Variants in ARHGEF40 observed in about 807,000 individuals in gnomAD.
The protein encoded by ARHGEF40 is Rho guanine nucleotide exchange factor 40.
ARHGEF40 carries 98 observed loss-of-function variants against 165.9 expected under a neutral mutation model. That is an observed-to-expected ratio of 0.59 (90% CI 0.50 to 0.70). ARHGEF40 has a LOEUF of 0.70. Among genes scored for constraint, ARHGEF40 ranks in the 30% least tolerant of loss-of-function variants. The pLI, the probability that ARHGEF40 is intolerant of heterozygous loss-of-function variation, is 0.00. For missense variants in ARHGEF40, 1,815 were observed against 1,968.0 expected (o/e 0.92, Z 1.47); for synonymous variants, 792 against 814.3 (o/e 0.97, Z 0.47).
chr14:21,078,299 G>C, intron 9 of ARHGEF40, 27 bp downstream of exon 9: 1 of 1,610,466 alleles, frequency 6.2e-7, no homozygotes, highest in Non-Finnish European at 8.5e-7. Flanking sequence ...GACAGTGGGG[G>C]GATGGGATTG....
Position 21,088,874 on chromosome 14 carries a change from T to C in ARHGEF40, c.*3T>C, listed in dbSNP as rs1179926544. On this transcript the variant is annotated splice_region_variant and 3_prime_UTR_variant, in exon 23 of 24. Coordinates refer to ENST00000298694, the MANE Select transcript of ARHGEF40 (RefSeq NM_018071.5). ...GTGACCCCACCACGCCTCTGTGACC[T>C]GGGTGAGTCAGCATCCCCAATTTCT... is the stretch of plus-strand genomic sequence containing the variant. 6.2e-7 allele frequency: 1 copy of C among 1,612,354 alleles called. No individual in the cohort carries two copies. Among genetic ancestry groups the C allele is most frequent in the Admixed American group, 1.7e-5 (1 of 59,898 alleles).
At chr14:21,078,792 C>T in intron 10 of ARHGEF40, 92 bp from the exon 11 acceptor site, 4 of 1,517,498 alleles carry the variant, frequency 2.6e-6, no homozygotes, top group Non-Finnish European at 3.6e-6. Context: ...TGCTATGCAA[C>T]CTCTCATGTT....
At position 21,089,721 on chromosome 14, in the gene ARHGEF40, C is replaced by G. The variant is rs545335245; in HGVS notation, c.*713C>G. 6.6e-6 allele frequency: 1 copy of G among 152,470 alleles called. No homozygotes were observed. The highest frequency in any genetic ancestry group is 2.1e-4 in the South Asian group (1 of 4,846). The allele number at this position is 152,470 out of a possible 1,614,324, so 9.4% of individuals were successfully genotyped here. ...TGTGTATGAGCCTGGGAGAATGTGTCTCCTCCACAGTGGCTCCCAGAGGTT... is the reference window on the plus strand; with the variant it reads ...TGTGTATGAGCCTGGGAGAATGTGTGTCCTCCACAGTGGCTCCCAGAGGTT... On this transcript the variant is annotated 3_prime_UTR_variant, in exon 24 of 24. Coordinates refer to ENST00000298694, the MANE Select transcript of ARHGEF40 (RefSeq NM_018071.5).
chr14:21,071,432 C>G (rs1185030074), intron 1 of ARHGEF40, among the ~76,000 whole-genome samples: 9 of 152,116 alleles, frequency 5.9e-5, no homozygotes, highest in Admixed American at 5.9e-4. Flanking sequence ...GGCAGGGGCA[C>G]TACTGGGGCC....
In ARHGEF40 at chr14:21,072,130, G is replaced by T. The variant is rs1177166968; in HGVS notation, c.4-915G>T. On this transcript the variant is annotated intron_variant, in intron 1 of 23. Coordinates refer to ENST00000298694, the MANE Select transcript of ARHGEF40 (RefSeq NM_018071.5). The surrounding 1 kb of genome is among the most constrained non-coding windows in gnomAD (Gnocchi z 4.1). ...TGAAAAAGAAGTTTGCAAAGGAATA[G>T]CCCAAGGGGTGGTTGTTTAGGTTAG... 2.0e-5 allele frequency among the ~76,000 whole-genome samples: 3 copies of T among 152,200 alleles called. No individual in the cohort carries two copies. Among genetic ancestry groups the T allele is most frequent in the Non-Finnish European group, 2.9e-5 (2 of 68,042 alleles).
At chr14:21,080,196 CCGGACACA>C (rs1887763831) in intron 11 of ARHGEF40, among the ~76,000 whole-genome samples, 1 of 116,082 alleles carries the variant, frequency 8.6e-6, no homozygotes, top group South Asian at 2.8e-4. Flanking sequence ...GAAATTAAAG[CCGGACACA>C]CACACACACA....
At chr14:21,062,094 A>G in the ARHGEF40 span, among the ~76,000 whole-genome samples, 346 of 152,378 alleles carry the variant, frequency 2.3e-3, no homozygotes, top group Non-Finnish European at 4.0e-3. Context: ...TAAGTTAAAC[A>G]TAAAAGCTTA....
chr14:21,077,327 C>A (rs1408495676), intron 8 of ARHGEF40, among the ~76,000 whole-genome samples: 2 of 105,882 alleles, frequency 1.9e-5, no homozygotes, highest in East Asian at 5.3e-4. Flanking sequence ...CCATGTTGCC[C>A]AGGCTGGTCT....
intron 1 of ARHGEF40, among the ~76,000 whole-genome samples, chr14:21,071,376 G>A (rs1318144894): frequency 6.6e-6 from 1 of 152,182 alleles, no homozygotes; most frequent in African/African-American, 2.4e-5. Context: ...GTGGAGGAGG[G>A]GGAGAGGCCT....
rs770213867 is a variant in ARHGEF40 at position 21,076,582 on chromosome 14, T to G, written c.1856T>G (p.Leu619Arg). 2 of 1,614,246 alleles carry G rather than the reference T, an allele frequency of 1.2e-6. No homozygotes were observed. The highest frequency in any genetic ancestry group is 1.1e-5 in the South Asian group (1 of 91,088). ...CCTTAGGACTCAGGAGATCCTCCCC[T>G]TGTTCAGCGGCTGCTGATTCTCATT... ...SQLQDSGDPPLVQRLLILIHD... is the reference protein window; with the variant it reads ...SQLQDSGDPPRVQRLLILIHD... The change falls in exon 7 of 24, where the codon CTT becomes CGT. Residue 619 changes from leucine to arginine, a missense_variant. Transcript: ENST00000298694.
In ARHGEF40 at chr14:21,081,699, G is replaced by A. The variant is rs766293818; in HGVS notation, c.2831G>A (p.Arg944His). The A allele has an allele frequency of 5.1e-5, 81 of 1,579,718 alleles. 1 individual carries two copies. The highest frequency in any genetic ancestry group is 5.8e-5 in the Non-Finnish European group (68 of 1,163,236). ...ALREWGRCQA[R>H]CQELERRIQQ... ...CGAGAATGGGGCCGCTGCCAGGCCC[G>A]CTGCCAAGAGCTAGAGAGGAGGATC... The change falls in exon 14 of 24, where the codon CGC becomes CAC. Residue 944 changes from arginine to histidine, a missense_variant. Arg to His is a conservative substitution (Grantham distance 29). Transcript: ENST00000298694.
Position 21,076,386 on chromosome 14 carries a change from C to T in ARHGEF40, c.1766C>T (p.Ser589Phe). 6.2e-7 allele frequency: 1 copy of T among 1,613,542 alleles called. No homozygotes were observed. Among genetic ancestry groups the T allele is most frequent in the Non-Finnish European group, 8.5e-7 (1 of 1,180,044 alleles). Residue 589 changes from serine (S) to phenylalanine (F), a missense_variant, in exon 6 of 24, where the codon TCC becomes TTC. Coordinates refer to ENST00000298694, the MANE Select transcript of ARHGEF40 (RefSeq NM_018071.5). ...LRPDLQTLGL[S>F]VLLDLRQAPP... Reference sequence around the variant, plus strand: ...CCTGATCTACAGACACTGGGGCTGTCCGTCCTGCTGGACCTTCGTCAGGCA... The same window carrying T: ...CCTGATCTACAGACACTGGGGCTGTTCGTCCTGCTGGACCTTCGTCAGGCA...
chr14:21,084,967 CTCT>C (rs758722854), intron 18 of ARHGEF40, 44 bp downstream of exon 18: 23 of 1,595,232 alleles, frequency 1.4e-5, no homozygotes, highest in Non-Finnish European at 1.9e-5. Context: ...GGAAGTCATT[CTCT>C]TCTTGAGAAC....
Position 21,073,087 on chromosome 14 carries a change from G to T in ARHGEF40, c.46G>T (p.Ala16Ser). ...VEDCVQSTLA[A>S]LYPPFEATAP... ...GGACTGTGTGCAGAGCACTCTCGCC[G>T]CCCTGTATCCACCCTTTGAGGCAAC... The change falls in exon 2 of 24, where the codon GCC becomes TCC. Residue 16 changes from alanine (A) to serine (S), a missense_variant. Physicochemically the swap from Ala to Ser is moderately conservative, Grantham distance 99 (BLOSUM62 1). Transcript: ENST00000298694. The surrounding 1 kb of genome is among the most constrained non-coding windows in gnomAD (Gnocchi z 4.6). The T allele has an allele frequency of 6.2e-7, 1 of 1,614,126 alleles. No individual in the cohort carries two copies. Among genetic ancestry groups the T allele is most frequent in the Non-Finnish European group, 8.5e-7 (1 of 1,180,012 alleles).
At position 21,078,891 on chromosome 14, in the gene ARHGEF40, G is replaced by A. The variant is rs1887649879; in HGVS notation, c.2254G>A (p.Gly752Ser). The A allele has an allele frequency of 1.2e-6, 2 of 1,612,624 alleles. No homozygotes were observed. Among genetic ancestry groups the A allele is most frequent in the African/African-American group, 1.3e-5 (1 of 74,914 alleles). The change falls in exon 11 of 24, where the codon GGC (glycine) becomes AGC (serine). Residue 752 changes from glycine to serine, a missense_variant. Coordinates refer to ENST00000298694, the MANE Select transcript of ARHGEF40 (RefSeq NM_018071.5). ...TCTCTGCTCCTTCCCAAGGCTGGAG[G>A]GCCAAGGCCCAGCTACACTGTATCA... ...LRSTPSSKLE[G>S]QGPATLYQEV...
chr14:21,078,334 C>G (rs756657668), intron 9 of ARHGEF40, 39 bp from the exon 10 acceptor site: 10 of 1,596,868 alleles, frequency 6.3e-6, no homozygotes, highest in African/African-American at 5.4e-5. Flanking sequence ...TGGAGACTCT[C>G]TGGTGGAACC....
rs781036471 is a variant in ARHGEF40, at chr14:21,075,688, A to C, written c.1662A>C (p.Pro554=). Residue 554 remains proline (P), a synonymous_variant, in exon 5 of 24, where the codon CCA becomes CCC. Coordinates refer to ENST00000298694, the MANE Select transcript of ARHGEF40 (RefSeq NM_018071.5). This position sits in a 1 kb window ranked among gnomAD's most constrained non-coding sequence, Gnocchi z 4.5. ...QSGRALLTIT[P]PCPPEEPPPS... Reference sequence around the variant, plus strand: ...GGCGAGCTCTGCTGACCATTACCCCACCGTGCCCTCCTGAGGAGCCCCCAC... The same window carrying C: ...GGCGAGCTCTGCTGACCATTACCCCCCCGTGCCCTCCTGAGGAGCCCCCAC... 1.2e-6 allele frequency: 2 copies of C among 1,613,780 alleles called. No homozygotes were observed. The highest frequency in any genetic ancestry group is 1.7e-6 in the Non-Finnish European group (2 of 1,179,966).
At position 21,073,012 on chromosome 14, in the gene ARHGEF40, C is replaced by G. The variant is rs1566520792; in HGVS notation, c.4-33C>G. The G allele has an allele frequency of 6.2e-7, 1 of 1,601,438 alleles. No homozygotes were observed. Among genetic ancestry groups the G allele is most frequent in the Non-Finnish European group, 8.5e-7 (1 of 1,170,368 alleles). ...CCAAGGAGCCATGATTGGGTGATCT[C>G]TAGGGATCTGTAGCCTGGTCCTATC... On this transcript the variant is annotated intron_variant, in intron 1 of 23. Transcript: ENST00000298694. The surrounding 1 kb of genome is among the most constrained non-coding windows in gnomAD (Gnocchi z 4.6).
chr14:21,082,388 G>C lies in ARHGEF40; in HGVS notation c.3396G>C (p.Arg1132Ser), dbSNP rs549512099. The stretch of plus-strand genomic sequence containing the variant: ...CTGCTGCCCTGAGTGCCCGGGAAAG[G>C]CTTCGCAGCTTCCACCGGACACACT... ...TWAAALSARE[R>S]LRSFHRTHFL... Residue 1132 changes from arginine (R) to serine (S), a missense_variant, in exon 15 of 24, where the codon AGG (arginine) becomes AGC (serine). Transcript: ENST00000298694. 9.3e-6 allele frequency: 15 copies of C among 1,611,628 alleles called. No individual in the cohort carries two copies. The Admixed American group carries it at 1.2e-4, about 13-fold the overall frequency.
Sources: allele counts gnomAD v4.1 joint callset (sites outside exome capture counted in the v4.1 genomes callset), GRCh38; gene constraint gnomAD v4.1.1; non-coding constraint Gnocchi (gnomAD v3.1); transcripts MANE v1.5; gene names NCBI Gene and HGNC (gene_info 2026-07-23, HGNC 2026-07-21).